The following NXN variants were observed in gnomAD, a reference collection of about 807,000 sequenced individuals.
NXN encodes nucleoredoxin 1.
Under a neutral mutation model 48.6 loss-of-function variants are expected in NXN, and 16 were observed. That is an observed-to-expected ratio of 0.33 (90% confidence interval 0.22 to 0.50). NXN has a LOEUF of 0.50. Among genes scored for constraint, NXN ranks in the 20% least tolerant of loss-of-function variants. NXN has a pLI of 0.98. For missense variants in NXN, 492 were observed against 605.5 expected, an observed-to-expected ratio of 0.81 and a Z score of 1.97; for synonymous variants, 281 against 269.6, an observed-to-expected ratio of 1.04 and a Z score of -0.41.
At chr17:870,730 G>A (rs1420630445) in intron 1 of NXN, among the ~76,000 whole-genome samples, 1 of 151,274 alleles carries the variant, frequency 6.6e-6, no homozygotes, top group African/African-American at 2.4e-5. Flanking sequence ...ATTCAAGCCT[G>A]GGCAACAGAG....
intron 5 of NXN, among the ~76,000 whole-genome samples, chr17:811,988 C>T (rs568510335): frequency 8.5e-5 from 11 of 128,774 alleles, no homozygotes; most frequent in Admixed American, 3.0e-4. Context: ...AGTGCAGTGG[C>T]AAGATCTCGG....
At chr17:805,311 C>A in intron 5 of NXN, 64 bp from the exon 6 acceptor site, 1 of 1,517,068 alleles carries the variant, frequency 6.6e-7, no homozygotes, top group South Asian at 1.3e-5. Context: ...TGGCAGGAGG[C>A]TCGCGGGGTC....
At chr17:888,919 C>T (rs530028594) in intron 1 of NXN, among the ~76,000 whole-genome samples, 1 of 148,568 alleles carries the variant, frequency 6.7e-6, no homozygotes, top group African/African-American at 2.5e-5. Flanking sequence ...CGCACCACTG[C>T]ACTCCAGCCT....
In NXN at chr17:940,600, C is replaced by T. The variant is rs117675455; in HGVS notation, c.360+38719G>A. The stretch of plus-strand genomic sequence containing the variant: ...CATGCCTCATCTCACAACAGCCCAG[C>T]GGGCTTTGCAGGACCCTTAAAAACA... On this transcript the variant is annotated intron_variant, in intron 1 of 7. Coordinates refer to ENST00000336868, the MANE Select transcript of NXN (RefSeq NM_022463.5). Among the ~76,000 whole-genome samples, 420 of 152,358 alleles carry T rather than the reference C, an allele frequency of 2.8e-3. 2 individuals carry two copies. The East Asian group carries it at 0.034, about 12-fold the overall frequency.
intron 5 of NXN, among the ~76,000 whole-genome samples, chr17:810,177 CTGGCGTGCATGTTACGAGTCTGTGAG>C (rs1911881682): frequency 9.2e-5 from 4 of 43,584 alleles, no homozygotes; most frequent in Admixed American, 2.9e-4. Context: ...GAGTCTGTGA[CTGGCGTGCATGTTACGAGTCTGTGAG>C]TGGCGTGCAC....
intron 1 of NXN, among the ~76,000 whole-genome samples, chr17:893,591 CTCCCT>C (rs2068447116): frequency 6.8e-6 from 1 of 147,302 alleles, no homozygotes; most frequent in Non-Finnish European, 1.5e-5. Flanking sequence ...AGCATCTCAA[CTCCCT>C]GGAAGCCAGA....
intron 1 of NXN, among the ~76,000 whole-genome samples, chr17:869,261 G>A (rs1436456978): frequency 2.0e-5 from 3 of 152,104 alleles, no homozygotes; most frequent in Admixed American, 6.6e-5. Context: ...AGGCCAGAAC[G>A]AAAGGCCAGC....
chr17:842,923 G>C (rs1056996802), intron 1 of NXN, among the ~76,000 whole-genome samples: 1 of 150,370 alleles, frequency 6.7e-6, no homozygotes, highest in African/African-American at 2.5e-5. Context: ...TGGGCAACAA[G>C]AGCAAAATTC....
chr17:826,946 T>A (rs1249172262), intron 1 of NXN, among the ~76,000 whole-genome samples: 2 of 152,246 alleles, frequency 1.3e-5, no homozygotes, highest in African/African-American at 4.8e-5. Context: ...CGGCCTCTGT[T>A]CGCCATCGGG....
intron 1 of NXN, among the ~76,000 whole-genome samples, chr17:913,859 G>A (rs1042295031): frequency 6.6e-6 from 1 of 152,154 alleles, no homozygotes; most frequent in Non-Finnish European, 1.5e-5. Context: ...TTATAACGGC[G>A]TGTCCTCCCA....
intron 5 of NXN, among the ~76,000 whole-genome samples, chr17:812,797 T>C (rs1912190032): frequency 6.7e-6 from 1 of 150,364 alleles, no homozygotes; most frequent in Non-Finnish European, 1.5e-5. Context: ...TGTAGGTGTG[T>C]GTGCGTGAGT....
At position 948,826 on chromosome 17, in the gene NXN, GGCCTCCTCCTCTCCCCCCT is replaced by G. The variant is rs1555519373; in HGVS notation, c.360+30474_360+30492del. Among the ~76,000 whole-genome samples, 105 of 105,424 alleles carry G rather than the reference GGCCTCCTCCTCTCCCCCCT, an allele frequency of 1.0e-3. 6 individuals carry two copies. Among genetic ancestry groups the G allele is most frequent in the African/African-American group, 1.6e-3 (44 of 27,738 alleles). 69.2% of individuals were successfully genotyped at this position (105,424 alleles called of 152,430 possible). ...GGGCACGGCCTCCTCCTCTCCCCGC[GGCCTCCTCCTCTCCCCCCT>G]GCCTCCTCCTCTCCCCGCGGCCTCC... On this transcript the variant is annotated intron_variant, in intron 1 of 7. Coordinates refer to ENST00000336868, the MANE Select transcript of NXN (RefSeq NM_022463.5).
intron 5 of NXN, chr17:819,112 A>G (rs1292443626): frequency 6.0e-6 from 2 of 332,670 alleles, no homozygotes; most frequent in African/African-American, 4.4e-5. Context: ...ACGCCCAGCT[A>G]ATTTTTGTAT....
At chr17:847,445 T>C (rs2067876406) in intron 1 of NXN, among the ~76,000 whole-genome samples, 1 of 152,170 alleles carries the variant, frequency 6.6e-6, no homozygotes, top group Non-Finnish European at 1.5e-5. Context: ...GGGACCGTTC[T>C]GCACGGAGCC....
chr17:805,804 C>G (rs1040748038), intron 5 of NXN, among the ~76,000 whole-genome samples: 2 of 152,122 alleles, frequency 1.3e-5, no homozygotes, highest in African/African-American at 4.8e-5. Context: ...CACCACTGCA[C>G]TCCAGCCTGG....
chr17:855,879 C>T (rs2067980315), intron 1 of NXN, among the ~76,000 whole-genome samples: 1 of 152,014 alleles, frequency 6.6e-6, no homozygotes, highest in Non-Finnish European at 1.5e-5. Context: ...ACAGCCGGCC[C>T]CTGGGGGAGA....
intron 1 of NXN, among the ~76,000 whole-genome samples, chr17:856,189 C>T (rs12947753): frequency 0.39 from 59,421 of 150,690 alleles, 12,091 homozygotes; most frequent in African/African-American, 0.5. Flanking sequence ...GAGACTCCGT[C>T]TCAAAAAAAA....
At position 939,594 on chromosome 17, in the gene NXN, C is replaced by T. The variant is rs368154690; in HGVS notation, c.360+39725G>A. On this transcript the variant is annotated intron_variant, in intron 1 of 7. Coordinates refer to ENST00000336868, the MANE Select transcript of NXN (RefSeq NM_022463.5). ...CTCCTGACCTCAGGTGATCCTCCCACCTTGGCCTCCCAAAGTGCTGGGATT... is the reference window on the plus strand; with the variant it reads ...CTCCTGACCTCAGGTGATCCTCCCATCTTGGCCTCCCAAAGTGCTGGGATT... Among the ~76,000 whole-genome samples, 7 of 152,316 alleles carry T rather than the reference C, an allele frequency of 4.6e-5. No homozygotes were observed. The East Asian group carries it at 1.2e-3, about 25-fold the overall frequency.
intron 1 of NXN, among the ~76,000 whole-genome samples, chr17:897,205 T>C (rs1482134666): frequency 6.6e-6 from 1 of 152,196 alleles, no homozygotes; most frequent in Non-Finnish European, 1.5e-5. Context: ...TGCTCTGTCC[T>C]GGGAAAGGGA....
Sources: gnomAD v4.1 joint callset for allele counts (sites outside exome capture counted in the v4.1 genomes callset) on GRCh38, gnomAD v4.1.1 for gene constraint, MANE v1.5 for transcripts, NCBI Gene and HGNC (gene_info 2026-07-23, HGNC 2026-07-21) for gene names.